KIAA0586: variants seen among roughly 807,000 people sequenced by gnomAD.
The protein encoded by KIAA0586 is protein TALPID3.
KIAA0586 carries 144 observed loss-of-function variants against 169.8 expected under a neutral mutation model. The ratio of observed to expected loss-of-function variants is 0.85; its 90% CI spans 0.74 to 0.97. KIAA0586 has a LOEUF of 0.97. Ranked by LOEUF, KIAA0586 falls within the 50% of genes least tolerant of loss-of-function variation. The probability of loss-of-function intolerance (pLI) is 0.00; values close to 1 mark genes in which losing one functional copy is unlikely to be tolerated. For missense variants in KIAA0586, 1,854 were observed against 1,823.0 expected (o/e 1.02, Z -0.31); for synonymous variants, 625 against 612.4 (o/e 1.02, Z -0.30).
chr14:58,481,774 A>T (rs1448524756), intron 20 of KIAA0586, among the ~76,000 whole-genome samples: 1 of 55,048 alleles, frequency 1.8e-5, no homozygotes. Context: ...ACCCTCCCCC[A>T]CCCACCCCCA....
intron 5 of KIAA0586, among the ~76,000 whole-genome samples, chr14:58,443,684 A>G (rs1170405241): frequency 6.6e-6 from 1 of 151,946 alleles, no homozygotes; most frequent in East Asian, 1.9e-4. Flanking sequence ...TGGCCTCCCA[A>G]AGTGCTGGGA....
intron 24 of KIAA0586, among the ~76,000 whole-genome samples, chr14:58,489,385 A>G (rs2042691713): frequency 6.6e-6 from 1 of 151,962 alleles, no homozygotes; most frequent in Admixed American, 6.6e-5. Context: ...ACGCCCGGCT[A>G]ACTTTTATAT....
intron 26 of KIAA0586, among the ~76,000 whole-genome samples, chr14:58,497,020 G>T (rs1238263786): frequency 6.7e-6 from 1 of 150,186 alleles, no homozygotes; most frequent in Admixed American, 6.6e-5. Flanking sequence ...TGTTGCCCAG[G>T]CAGGAATGCA....
At chr14:58,452,833 G>T (rs1279452015) in intron 8 of KIAA0586, among the ~76,000 whole-genome samples, 1 of 146,970 alleles carries the variant, frequency 6.8e-6, no homozygotes, top group East Asian at 2.1e-4. Flanking sequence ...GCCTGGTTGT[G>T]GTATAGTTTT....
intron 30 of KIAA0586, among the ~76,000 whole-genome samples, chr14:58,543,559 G>T (rs1460313395): frequency 6.6e-6 from 1 of 152,178 alleles, no homozygotes; most frequent in Non-Finnish European, 1.5e-5. Flanking sequence ...AGCAGTCTGG[G>T]TGGGGCCATT....
chr14:58,523,870 T>G (rs1370192802), intron 29 of KIAA0586, among the ~76,000 whole-genome samples: 1 of 152,018 alleles, frequency 6.6e-6, no homozygotes, highest in Non-Finnish European at 1.5e-5. Flanking sequence ...GGCCTCAGTA[T>G]TATTTTTATT....
At chr14:58,528,019 A>T (rs1040542697) in intron 29 of KIAA0586, among the ~76,000 whole-genome samples, 1 of 152,232 alleles carries the variant, frequency 6.6e-6, no homozygotes, top group Admixed American at 6.5e-5. Flanking sequence ...AATGTTTACC[A>T]TGCAAATGGA....
chr14:58,513,079 A>T (rs935509725), intron 29 of KIAA0586, among the ~76,000 whole-genome samples: 1 of 152,080 alleles, frequency 6.6e-6, no homozygotes, highest in African/African-American at 2.4e-5. Flanking sequence ...GGATGACCAT[A>T]TCATAGTTCT....
At chr14:58,556,392 G>C in the KIAA0586 span, among the ~76,000 whole-genome samples, 1 of 152,204 alleles carries the variant, frequency 6.6e-6, no homozygotes, top group Non-Finnish European at 1.5e-5. Context: ...GGGCATTCTT[G>C]TGTGTTTAGT....
intron 27 of KIAA0586, 43 bp downstream of exon 27, chr14:58,499,003 C>T (rs771834883): frequency 4.2e-5 from 62 of 1,487,368 alleles, no homozygotes; most frequent in South Asian, 1.4e-5. Flanking sequence ...ATAGTAGTAT[C>T]CCTAATCTGA....
chr14:58,500,423 C>A (rs1167663599), intron 27 of KIAA0586, among the ~76,000 whole-genome samples: 1 of 151,990 alleles, frequency 6.6e-6, no homozygotes, highest in Non-Finnish European at 1.5e-5. Context: ...AAACACTAGA[C>A]AGGCCAGATG....
intron 6 of KIAA0586, among the ~76,000 whole-genome samples, chr14:58,447,656 T>C (rs1746160609): frequency 2.0e-5 from 3 of 151,906 alleles, no homozygotes. Context: ...AATTTTTGTA[T>C]TTTTAGGAGA....
chr14:58,532,363 C>T (rs2046031554), intron 29 of KIAA0586, among the ~76,000 whole-genome samples: 3 of 152,094 alleles, frequency 2.0e-5, no homozygotes, highest in African/African-American at 4.8e-5. Context: ...TTTAATGGAA[C>T]AGGAAAGGGT....
At position 58,433,744 on chromosome 14, in the gene KIAA0586, G is replaced by A. The variant is rs147739527; in HGVS notation, c.410+1287G>A. ...ATAAAAGCTGAAGGAAGCTGGGCAT[G>A]GTGGCTCATGCCTGTAGTCCTAGCA... On this transcript the variant is annotated intron_variant, in intron 4 of 30. Transcript: ENST00000652326. Among the ~76,000 whole-genome samples the A allele has an allele frequency of 3.2e-4, 49 of 152,308 alleles. No homozygotes were observed. In the East Asian group the frequency reaches 8.9e-3, roughly 28 times the overall value.
intron 4 of KIAA0586, among the ~76,000 whole-genome samples, chr14:58,442,266 C>A (rs546078446): frequency 3.3e-5 from 5 of 152,106 alleles, no homozygotes; most frequent in African/African-American, 1.2e-4. Context: ...CATGCCACCA[C>A]GCCCGGCTAA....
intron 21 of KIAA0586, among the ~76,000 whole-genome samples, chr14:58,484,924 A>ATATAAATATATAT (rs1566877360): frequency 7.7e-5 from 1 of 13,048 alleles, no homozygotes; most frequent in Non-Finnish European, 1.3e-4. Flanking sequence ...ATATATATAT[A>ATATAAATATATAT]TTTTTTTTTT....
At position 58,427,851 on chromosome 14, in the gene KIAA0586, T is replaced by TTC; in HGVS notation, c.-412_-411dup. The TTC allele has an allele frequency of 7.1e-7, 1 of 1,406,708 alleles. No homozygotes were observed. The highest frequency in any genetic ancestry group is 9.3e-7 in the Non-Finnish European group (1 of 1,074,078). The allele number at this position is 1,406,708 out of a possible 1,614,324, so 87.1% of individuals were successfully genotyped here. A position where few individuals can be genotyped will look rare whatever the true frequency, so the allele number is the denominator to read the frequency against. ...CTGTGGCTGAAGAAAGCTATTACGC[T>TTC]TCTTATGTGGGTCATTATTTTAAAA... On this transcript the variant is annotated 5_prime_UTR_variant, in exon 1 of 31. The change creates a premature stop within an existing upstream ORF in the 5' untranslated region. Transcript: ENST00000652326.
intron 4 of KIAA0586, among the ~76,000 whole-genome samples, chr14:58,435,733 G>C (rs540991524): frequency 6.6e-6 from 1 of 152,066 alleles, no homozygotes; most frequent in African/African-American, 2.4e-5. Context: ...TTAAGATGGA[G>C]TTTCACTCTT....
chr14:58,473,046 T>C (rs1322092275), intron 18 of KIAA0586, among the ~76,000 whole-genome samples: 2 of 150,476 alleles, frequency 1.3e-5, no homozygotes, highest in South Asian at 2.1e-4. Flanking sequence ...TAATTGTTTA[T>C]GCAATATACA....
Sources: allele counts gnomAD v4.1 joint callset (sites outside exome capture counted in the v4.1 genomes callset), GRCh38; gene constraint gnomAD v4.1.1; transcripts MANE v1.5; gene names NCBI Gene and HGNC (gene_info 2026-07-23, HGNC 2026-07-21).